L1TD1: variants seen among roughly 807,000 people sequenced by gnomAD.
The protein encoded by L1TD1 is LINE-1 type transposase domain-containing protein 1.
In L1TD1, 26 loss-of-function variants were observed where a neutral mutation model predicts 25.7. The ratio of observed to expected loss-of-function variants is 1.01; its 90% CI spans 0.74 to 1.40. The LOEUF (loss-of-function observed/expected upper bound fraction) is 1.40, where lower values mean the gene tolerates loss of function less well. Among genes scored for constraint, L1TD1 ranks in the 40% most tolerant of loss-of-function variants. The probability of loss-of-function intolerance (pLI) is 0.00; values close to 1 mark genes in which losing one functional copy is unlikely to be tolerated. For missense variants in L1TD1, 1,130 were observed against 975.0 expected (o/e 1.16, Z -2.12); for synonymous variants, 421 against 335.6 (o/e 1.25, Z -2.78).
At chr1:62,196,867 C>T (rs1227756146) in intron 2 of L1TD1, among the ~76,000 whole-genome samples, 1 of 151,872 alleles carries the variant, frequency 6.6e-6, no homozygotes, top group Non-Finnish European at 1.5e-5. Flanking sequence ...GATGGGATTA[C>T]AGGCGTGAGT....
chr1:62,199,452 T>C (rs1185550108), intron 2 of L1TD1, among the ~76,000 whole-genome samples: 3 of 150,174 alleles, frequency 2.0e-5, no homozygotes, highest in Non-Finnish European at 4.4e-5. Context: ...GAGCCAAGAT[T>C]GTGCCACTGC....
intron 2 of L1TD1, among the ~76,000 whole-genome samples, chr1:62,205,413 CTCTCTATATATATA>C (rs1670721631): frequency 3.3e-5 from 1 of 30,508 alleles, no homozygotes; most frequent in African/African-American, 1.5e-4. Context: ...CTCTCTCTCT[CTCTCTATATATATA>C]TATATATATA....
In L1TD1 at chr1:62,206,557, A is replaced by C; in HGVS notation, c.-72A>C. 19 of 1,316,510 alleles carry C rather than the reference A, an allele frequency of 1.4e-5. No individual in the cohort carries two copies. The highest frequency in any genetic ancestry group is 1.7e-5 in the Non-Finnish European group (17 of 1,006,994). The allele number at this position is 1,316,510 out of a possible 1,614,324, so 81.6% of individuals were successfully genotyped here. A position where few individuals can be genotyped will look rare whatever the true frequency, so the allele number is the denominator to read the frequency against. On this transcript the variant is annotated 5_prime_UTR_variant, in exon 3 of 4. Transcript: ENST00000498273. ...AAGATTTTTTTAACTTCTGAAGTCTAGCAGGCCTGTAAGAACAAAAATCAT... is the reference window on the plus strand; with the variant it reads ...AAGATTTTTTTAACTTCTGAAGTCTCGCAGGCCTGTAAGAACAAAAATCAT...
At position 62,211,357 on chromosome 1, in the gene L1TD1, G is replaced by C. The variant is rs763869370; in HGVS notation, c.2583G>C (p.Gly861=). 2.1e-5 allele frequency: 33 copies of C among 1,605,420 alleles called. No individual in the cohort carries two copies. The South Asian group carries it at 3.2e-4, about 16-fold the overall frequency. The change falls in exon 4 of 4, where the codon GGG becomes GGC. Residue 861 remains glycine, a synonymous_variant. Transcript: ENST00000498273. ...TGCCCACCTTGAGAGAATTACTGGG[G>C]AATAATATACCTTAGCACGCCAGGG... The part of the protein sequence containing the change: ...LHMPTLRELL[G]NNIP
intron 2 of L1TD1, among the ~76,000 whole-genome samples, chr1:62,196,945 G>T (rs1670554106): frequency 6.6e-6 from 1 of 152,038 alleles, no homozygotes; most frequent in Non-Finnish European, 1.5e-5. Flanking sequence ...GTCTGATAAA[G>T]AAATGAGCCC....
intron 2 of L1TD1, among the ~76,000 whole-genome samples, chr1:62,204,427 G>C (rs1321023921): frequency 6.6e-6 from 1 of 152,068 alleles, no homozygotes; most frequent in Non-Finnish European, 1.5e-5. Flanking sequence ...TTCTCCATTA[G>C]TTTGACTGAA....
intron 1 of L1TD1, among the ~76,000 whole-genome samples, chr1:62,195,138 A>C (rs115585901): frequency 0.041 from 5,903 of 143,022 alleles, 122 homozygotes; most frequent in East Asian, 0.078. Flanking sequence ...CTGGTCCAGG[A>C]GCGTGAGGTC....
At chr1:62,199,035 T>G (rs201137878) in intron 2 of L1TD1, among the ~76,000 whole-genome samples, 2 of 152,138 alleles carry the variant, frequency 1.3e-5, no homozygotes, top group East Asian at 3.9e-4. Context: ...CATCCAACCC[T>G]GAGACAAAAT....
At chr1:62,205,443 A>ATATATATATATTTTTTTTTTTT (rs1553122597) in intron 2 of L1TD1, among the ~76,000 whole-genome samples, 1 of 63,646 alleles carries the variant, frequency 1.6e-5, no homozygotes, top group African/African-American at 5.6e-5. Flanking sequence ...ATATATATAT[A>ATATATATATATTTTTTTTTTTT]TTTTTTTTTA....
chr1:62,198,092 G>C (rs1570920024), intron 2 of L1TD1, among the ~76,000 whole-genome samples: 1 of 151,950 alleles, frequency 6.6e-6, no homozygotes, highest in Non-Finnish European at 1.5e-5. Flanking sequence ...AAAAGTAAAT[G>C]TCCCCATACC....
In L1TD1 at chr1:62,210,584, T is replaced by A; in HGVS notation, c.1810T>A (p.Ser604Thr). 1 of 1,612,406 alleles carries A rather than the reference T, an allele frequency of 6.2e-7. No individual in the cohort carries two copies. The highest frequency in any genetic ancestry group is 8.5e-7 in the Non-Finnish European group (1 of 1,179,270). ...HRTLHTEELT[S>T]KEADLTEETE... is the part of the protein sequence containing the mutation. ...AACTCTGCACACAGAAGAACTAACA[T>A]CCAAAGAAGCAGACTTAACAGAGGA... The change falls in exon 4 of 4, where the codon TCC becomes ACC. Residue 604 changes from serine to threonine, a missense_variant. Ser to Thr is a moderately conservative substitution (Grantham distance 58). Coordinates refer to ENST00000498273, the MANE Select transcript of L1TD1 (RefSeq NM_019079.5).
intron 2 of L1TD1, among the ~76,000 whole-genome samples, chr1:62,204,942 A>G (rs1670706568): frequency 6.6e-6 from 1 of 151,902 alleles, no homozygotes; most frequent in Non-Finnish European, 1.5e-5. Context: ...CACCAGGCTA[A>G]TTTTTGTTAG....
intron 2 of L1TD1, among the ~76,000 whole-genome samples, chr1:62,203,724 G>GC (rs571431957): frequency 6.6e-4 from 100 of 152,188 alleles, no homozygotes; most frequent in Non-Finnish European, 1.3e-3. Context: ...GACTGCAGGT[G>GC]CCTGCCACCA....
chr1:62,201,679 G>C (rs998549708), intron 2 of L1TD1, among the ~76,000 whole-genome samples: 4 of 152,012 alleles, frequency 2.6e-5, no homozygotes, highest in African/African-American at 9.7e-5. Flanking sequence ...TCAGTATGTA[G>C]CTCTTATAAA....
In L1TD1 at chr1:62,211,115, A is replaced by G. The variant is rs553388432; in HGVS notation, c.2341A>G (p.Arg781Gly). The stretch of plus-strand genomic sequence containing the variant: ...AATAATAAGGGCTTCTAGAGAGAGA[A>G]GAGAAATTACCTACCAAGGAACAAG... ...EKIIRASRER[R>G]EITYQGTRIR... Residue 781 changes from arginine (R) to glycine (G), a missense_variant, in exon 4 of 4, where the codon AGA (arginine) becomes GGA (glycine). Transcript: ENST00000498273. 1.4e-5 allele frequency: 22 copies of G among 1,549,282 alleles called. No individual in the cohort carries two copies. In the South Asian group the frequency reaches 1.9e-4, roughly 14 times the overall value.
rs560140962 is a variant in L1TD1 at position 62,209,191 on chromosome 1, C to A, written c.1009-592C>A. Among the ~76,000 whole-genome samples the A allele has an allele frequency of 5.9e-5, 9 of 152,050 alleles. No homozygotes were observed. In the East Asian group the frequency reaches 1.7e-3, roughly 29 times the overall value. ...CTAGTAGCAAATGTGGCAATCGGGC[C>A]AGGGTTTGAATAGTTTTGAACTGAG... is the stretch of plus-strand genomic sequence containing the variant. On this transcript the variant is annotated intron_variant, in intron 3 of 3. Coordinates refer to ENST00000498273, the MANE Select transcript of L1TD1 (RefSeq NM_019079.5).
chr1:62,211,493 T>A lies in L1TD1; in HGVS notation c.*121T>A. 1 of 1,463,672 alleles carries A rather than the reference T, an allele frequency of 6.8e-7. No individual in the cohort carries two copies. The highest frequency in any genetic ancestry group is 9.0e-7 in the Non-Finnish European group (1 of 1,107,094). The allele number at this position is 1,463,672 out of a possible 1,614,324, so 90.7% of individuals were successfully genotyped here. A position where few individuals can be genotyped will look rare whatever the true frequency, so the allele number is the denominator to read the frequency against. On this transcript the variant is annotated 3_prime_UTR_variant, in exon 4 of 4. Transcript: ENST00000498273. ...GGACAGCTAATAGCGTACTTGGGGA[T>A]GAGGAGCAAGGAATATTACAGATAT...
Position 62,207,157 on chromosome 1 carries a change from A to G in L1TD1, c.529A>G (p.Thr177Ala). 5.8e-6 allele frequency: 9 copies of G among 1,561,534 alleles called. No individual in the cohort carries two copies. Among genetic ancestry groups the G allele is most frequent in the Non-Finnish European group, 7.8e-6 (9 of 1,151,540 alleles). ...CGAAGTCATGGGAAGTATGGAAGAA[A>G]CCTTATGCAATATAGATGACAGAGA... ...SYEVMGSMEE[T>A]LCNIDDRDGN... Residue 177 changes from threonine to alanine, a missense_variant, in exon 3 of 4, where the codon ACC (threonine) becomes GCC (alanine). Coordinates refer to ENST00000498273, the MANE Select transcript of L1TD1 (RefSeq NM_019079.5).
chr1:62,205,292 C>T (rs532207052), intron 2 of L1TD1, among the ~76,000 whole-genome samples: 281 of 150,898 alleles, frequency 1.9e-3, no homozygotes, highest in African/African-American at 6.3e-3. Flanking sequence ...GAGCCGAGAT[C>T]GCGCCATTGC....
Sources: allele counts gnomAD v4.1 joint callset (sites outside exome capture counted in the v4.1 genomes callset), GRCh38; gene constraint gnomAD v4.1.1; transcripts MANE v1.5; gene names NCBI Gene and HGNC (gene_info 2026-07-23, HGNC 2026-07-21).